SHROOM3: variants seen among roughly 807,000 people sequenced by gnomAD.
SHROOM3 encodes shroom family member 3.
In SHROOM3, 47 loss-of-function variants were observed where a neutral mutation model predicts 138.6. The observed-to-expected ratio is 0.34, with a 90% CI of 0.27 to 0.43. The LOEUF is 0.43. Among genes scored for constraint, SHROOM3 ranks in the 20% least tolerant of loss-of-function variants. The pLI, the probability that SHROOM3 is intolerant of heterozygous loss-of-function variation, is 1.00. For synonymous variants in SHROOM3, 1,062 were observed against 1,063.3 expected (o/e 1.00, Z 0.02); for missense variants, 2,491 against 2,596.5 (o/e 0.96, Z 0.88).
chr4:76,552,656 CTATA>C (rs1733390224), intron 1 of SHROOM3, among the ~76,000 whole-genome samples: 1 of 150,628 alleles, frequency 6.6e-6, no homozygotes, highest in African/African-American at 2.4e-5. Context: ...ATATAGATAT[CTATA>C]TATGTATGTA....
chr4:76,515,952 A>G (rs1485310230), intron 1 of SHROOM3, among the ~76,000 whole-genome samples: 1 of 152,190 alleles, frequency 6.6e-6, no homozygotes, highest in Non-Finnish European at 1.5e-5. Flanking sequence ...AGAAAGCTCA[A>G]CTGTTGACAC....
intron 2 of SHROOM3, among the ~76,000 whole-genome samples, chr4:76,610,262 T>A (rs1734734137): frequency 6.6e-6 from 1 of 152,348 alleles, no homozygotes; most frequent in African/African-American, 2.4e-5. Context: ...TTGAGTGATA[T>A]GCCATCGAGG....
chr4:76,666,916 C>T (rs1718707665), intron 2 of SHROOM3, among the ~76,000 whole-genome samples: 2 of 152,136 alleles, frequency 1.3e-5, no homozygotes, highest in Non-Finnish European at 2.9e-5. Context: ...AATCCTGTTA[C>T]AGAATATGAC....
intron 2 of SHROOM3, among the ~76,000 whole-genome samples, chr4:76,670,585 A>G (rs1718851458): frequency 6.6e-6 from 1 of 152,184 alleles, no homozygotes; most frequent in Admixed American, 6.5e-5. Flanking sequence ...TTTGAAAAAT[A>G]ACTTAGATAT....
At chr4:76,469,782 G>A (rs1731329808) in intron 1 of SHROOM3, among the ~76,000 whole-genome samples, 2 of 152,230 alleles carry the variant, frequency 1.3e-5, no homozygotes, top group South Asian at 4.2e-4. Flanking sequence ...TAGTACTCTA[G>A]GTGGATGAGA....
At chr4:76,760,808 CT>C in intron 9 of SHROOM3, among the ~76,000 whole-genome samples, 1 of 152,360 alleles carries the variant, frequency 6.6e-6, no homozygotes, top group South Asian at 2.1e-4. Flanking sequence ...AACGGGTCCC[CT>C]GATTGCAAAT....
intron 2 of SHROOM3, among the ~76,000 whole-genome samples, chr4:76,662,194 G>A (rs960018337): frequency 6.6e-6 from 1 of 152,148 alleles, no homozygotes; most frequent in African/African-American, 2.4e-5. Flanking sequence ...GAGGCTCTAG[G>A]GGATTCTACT....
Position 76,628,417 on chromosome 4 carries a change from T to C in SHROOM3, c.323+72654T>C, listed in dbSNP as rs1330281573. ...GTTGGATCTCTCATGTGTTTCTTGA[T>C]ATGAGGATGGGATCAACCAAGAGGA... On this transcript the variant is annotated intron_variant, in intron 2 of 10. Coordinates refer to ENST00000296043, the MANE Select transcript of SHROOM3 (RefSeq NM_020859.4). 3.3e-5 allele frequency among the ~76,000 whole-genome samples: 5 copies of C among 152,336 alleles called. No homozygotes were observed. The South Asian group carries it at 1.0e-3, about 32-fold the overall frequency.
chr4:76,485,115 G>C (rs1247306361), intron 1 of SHROOM3, among the ~76,000 whole-genome samples: 1 of 152,160 alleles, frequency 6.6e-6, no homozygotes, highest in Admixed American at 6.5e-5. Flanking sequence ...ATTATCTCAA[G>C]ATTCAGAAGC....
chr4:76,749,307 A>G (rs565714324), intron 6 of SHROOM3, among the ~76,000 whole-genome samples: 146 of 152,276 alleles, frequency 9.6e-4, no homozygotes, highest in African/African-American at 3.4e-3. Context: ...ACATATGTAT[A>G]CATGTGCCAT....
At chr4:76,461,469 A>T (rs1249544245) in intron 1 of SHROOM3, among the ~76,000 whole-genome samples, 2 of 152,220 alleles carry the variant, frequency 1.3e-5, no homozygotes, top group Non-Finnish European at 2.9e-5. Context: ...CGGAAACAGA[A>T]TTCACACTAG....
chr4:76,535,096 T>C (rs1247523657), intron 1 of SHROOM3, among the ~76,000 whole-genome samples: 2 of 152,212 alleles, frequency 1.3e-5, no homozygotes, highest in Non-Finnish European at 2.9e-5. Flanking sequence ...TAATTCATGT[T>C]TAATACTTGA....
intron 1 of SHROOM3, among the ~76,000 whole-genome samples, chr4:76,458,253 T>G (rs1000103692): frequency 7.9e-5 from 12 of 152,212 alleles, no homozygotes; most frequent in Non-Finnish European, 1.8e-4. Flanking sequence ...CAATCCCAGT[T>G]TTATTTACTT....
intron 1 of SHROOM3, among the ~76,000 whole-genome samples, chr4:76,517,411 A>T (rs978533641): frequency 6.6e-6 from 1 of 152,140 alleles, no homozygotes; most frequent in Non-Finnish European, 1.5e-5. Flanking sequence ...CATCCCAAAT[A>T]CAGAACATCC....
At chr4:76,731,079 C>A in intron 4 of SHROOM3, 144 bp downstream of exon 4, 1 of 1,121,318 alleles carries the variant, frequency 8.9e-7, no homozygotes, top group Non-Finnish European at 1.3e-6. Flanking sequence ...TTTTCTCATC[C>A]TCTTATAGTG....
At chr4:76,632,931 C>A (rs1735368397) in intron 2 of SHROOM3, among the ~76,000 whole-genome samples, 1 of 152,078 alleles carries the variant, frequency 6.6e-6, no homozygotes, top group South Asian at 2.1e-4. Flanking sequence ...ATAAGAAAAA[C>A]CCAGTATTTA....
Position 76,741,824 on chromosome 4 carries a change from G to A in SHROOM3, c.3651G>A (p.Gly1217=), listed in dbSNP as rs1433583907. The change falls in exon 5 of 11, where the codon GGG becomes GGA. Residue 1217 remains glycine, a synonymous_variant. Coordinates refer to ENST00000296043, the MANE Select transcript of SHROOM3 (RefSeq NM_020859.4). The surrounding 1 kb of genome is among the most constrained non-coding windows in gnomAD (Gnocchi z 6.2). ...CATCCTCCTGGGGGGCCAGGGCCGG[G>A]AAGTCCATGTCGGCCGAGGACCTGC... ...REPSSWGARA[G]KSMSAEDLLE... 6.3e-7 allele frequency: 1 copy of A among 1,595,016 alleles called. No individual in the cohort carries two copies. Among genetic ancestry groups the A allele is most frequent in the South Asian group, 1.1e-5 (1 of 87,788 alleles).
At chr4:76,518,626 A>G (rs1450939792) in intron 1 of SHROOM3, among the ~76,000 whole-genome samples, 4 of 151,964 alleles carry the variant, frequency 2.6e-5, no homozygotes, top group African/African-American at 9.7e-5. Context: ...ATTTCAAAGA[A>G]TCAAAAATGG....
rs977612885 is a variant in SHROOM3 at position 76,770,231 on chromosome 4, G to A, written c.5350-395G>A. On this transcript the variant is annotated intron_variant, in intron 9 of 10. Coordinates refer to ENST00000296043, the MANE Select transcript of SHROOM3 (RefSeq NM_020859.4). ...CCAGCTACTCAGGAGGCTGAGGCAG[G>A]AGAATCGCTTGAACCCAGGAGGCAG... Among the ~76,000 whole-genome samples the A allele has an allele frequency of 7.4e-5, 11 of 147,836 alleles. No homozygotes were observed. The South Asian group carries it at 8.8e-4, about 12-fold the overall frequency.
Sources: allele counts gnomAD v4.1 joint callset (sites outside exome capture counted in the v4.1 genomes callset), GRCh38; gene constraint gnomAD v4.1.1; non-coding constraint Gnocchi (gnomAD v3.1); transcripts MANE v1.5; gene names NCBI Gene and HGNC (gene_info 2026-07-23, HGNC 2026-07-21).